CD59: variants seen among roughly 807,000 people sequenced by gnomAD.
CD59 encodes the protein CD59 molecule (CD59 blood group), also known as CD59 glycoprotein.
CD59 carries 3 observed loss-of-function variants against 7.0 expected under a neutral mutation model. The ratio of observed to expected loss-of-function variants is 0.43; its 90% CI spans 0.19 to 1.10. The LOEUF is 1.10. CD59 is among the 50% of genes least tolerant of loss of function. The pLI, the probability that CD59 is intolerant of heterozygous loss-of-function variation, is 0.29. For synonymous variants in CD59, 60 were observed against 62.0 expected (o/e 0.97, Z 0.15); for missense variants, 143 against 151.0 (o/e 0.95, Z 0.28).
At chr11:33,710,753 C>T (rs1853514117) in intron 3 of CD59, among the ~76,000 whole-genome samples, 2 of 149,858 alleles carry the variant, frequency 1.3e-5, no homozygotes, top group African/African-American at 4.9e-5. Context: ...TAAGGTCTCA[C>T]TTTCTTGCCC....
intron 1 of CD59, among the ~76,000 whole-genome samples, chr11:33,723,891 T>C (rs1032455629): frequency 6.6e-6 from 1 of 151,996 alleles, no homozygotes; most frequent in South Asian, 2.1e-4. Flanking sequence ...AAGTTAAGCA[T>C]AGCATGATCG....
intron 1 of CD59, among the ~76,000 whole-genome samples, chr11:33,723,962 A>G (rs1177836099): frequency 6.6e-6 from 1 of 152,260 alleles, no homozygotes; most frequent in East Asian, 1.9e-4. Flanking sequence ...AAAAAAAATT[A>G]GACTGGTGTG....
At position 33,707,613 on chromosome 11, in the gene CD59, G is replaced by A. The variant is rs755371054; in HGVS notation, c.*2513C>T. ...TGGAGGGCACAGGGTATTGGCTCTC[G>A]AGCAGAGAGCCAGTAGGCATGACTG... On this transcript the variant is annotated 3_prime_UTR_variant, in exon 4 of 4. Coordinates refer to ENST00000642928, the MANE Select transcript of CD59 (RefSeq NM_000611.6). 2.0e-5 allele frequency: 3 copies of A among 152,202 alleles called. No individual in the cohort carries two copies. Among genetic ancestry groups the A allele is most frequent in the Non-Finnish European group, 4.4e-5 (3 of 68,052 alleles). The allele number at this position is 152,202 out of a possible 1,614,324, so 9.4% of individuals were successfully genotyped here. A position where few individuals can be genotyped will look rare whatever the true frequency, so the allele number is the denominator to read the frequency against.
intron 1 of CD59, among the ~76,000 whole-genome samples, chr11:33,729,064 G>A (rs1773712644): frequency 6.6e-6 from 1 of 152,196 alleles, no homozygotes; most frequent in African/African-American, 2.4e-5. Flanking sequence ...TTACACTGTT[G>A]GTGGGAGTGT....
chr11:33,732,018 T>C (rs1412723793), intron 1 of CD59, among the ~76,000 whole-genome samples: 1 of 152,260 alleles, frequency 6.6e-6, no homozygotes, highest in East Asian at 1.9e-4. Flanking sequence ...CTGATGGTTT[T>C]ATAAGGGGTT....
chr11:33,714,003 C>G (rs1853675978), intron 3 of CD59, among the ~76,000 whole-genome samples: 1 of 152,222 alleles, frequency 6.6e-6, no homozygotes, highest in Non-Finnish European at 1.5e-5. Context: ...AACGTCATTA[C>G]AGCAGTGACC....
intron 3 of CD59, among the ~76,000 whole-genome samples, chr11:33,712,833 C>T (rs1472182184): frequency 6.6e-6 from 1 of 152,006 alleles, no homozygotes; most frequent in African/African-American, 2.4e-5. Context: ...AGAATGTGAC[C>T]CATTTGTGGA....
chr11:33,711,273 C>G (rs2133526795), intron 3 of CD59: 1 of 612,534 alleles, frequency 1.6e-6, no homozygotes, highest in African/African-American at 1.9e-5. Context: ...TTCAGACCAG[C>G]CTGGTCAACA....
intron 3 of CD59, among the ~76,000 whole-genome samples, chr11:33,716,108 G>A (rs1461197294): frequency 6.6e-6 from 1 of 152,164 alleles, no homozygotes; most frequent in Non-Finnish European, 1.5e-5. Flanking sequence ...TTCCAGTGGG[G>A]GCAGAGGGAC....
intron 1 of CD59, chr11:33,722,683 T>G: frequency 7.4e-7 from 1 of 1,353,124 alleles, no homozygotes; most frequent in Non-Finnish European, 9.6e-7. Flanking sequence ...ACTACCACAC[T>G]GTGGGAATAA....
chr11:33,733,129 C>T (rs1488580324), intron 1 of CD59, among the ~76,000 whole-genome samples: 1 of 152,184 alleles, frequency 6.6e-6, no homozygotes, highest in Non-Finnish European at 1.5e-5. Flanking sequence ...GTCACAAGGA[C>T]TATATTCTAC....
In CD59 at chr11:33,710,024, A is replaced by C; in HGVS notation, c.*102T>G. ...CTCAAGCTAATTTTATTCTTTCCCA[A>C]CAGGATCCATTTGGAAAATATCAAG... On this transcript the variant is annotated 3_prime_UTR_variant, in exon 4 of 4. Coordinates refer to ENST00000642928, the MANE Select transcript of CD59 (RefSeq NM_000611.6). 1 of 965,750 alleles carries C rather than the reference A, an allele frequency of 1.0e-6. No homozygotes were observed. Among genetic ancestry groups the C allele is most frequent in the South Asian group, 1.4e-5 (1 of 72,252 alleles). The allele number at this position is 965,750 out of a possible 1,614,324, so 59.8% of individuals were successfully genotyped here.
intron 3 of CD59, among the ~76,000 whole-genome samples, chr11:33,714,037 CCTT>C (rs1346857610): frequency 1.3e-5 from 2 of 152,248 alleles, no homozygotes; most frequent in Non-Finnish European, 2.9e-5. Flanking sequence ...ATCAGAGGCT[CCTT>C]CAAGACTAAG....
At chr11:33,717,520 C>G (rs1178844541) in intron 2 of CD59, 49 bp from the exon 3 acceptor site, 1 of 1,160,064 alleles carries the variant, frequency 8.6e-7, no homozygotes, top group Non-Finnish European at 1.3e-6. Context: ...ACTGACTTGT[C>G]CCCTGGCAGC....
intron 1 of CD59, among the ~76,000 whole-genome samples, chr11:33,732,635 C>G (rs1274873062): frequency 6.6e-6 from 1 of 152,190 alleles, no homozygotes; most frequent in East Asian, 1.9e-4. Context: ...GGGCCAGTTG[C>G]TAAGATAGAT....
intron 3 of CD59, among the ~76,000 whole-genome samples, chr11:33,712,998 A>G (rs922317379): frequency 6.6e-6 from 1 of 152,210 alleles, no homozygotes; most frequent in African/African-American, 2.4e-5. Context: ...TTTTTAAAAT[A>G]TTTGAAACTT....
In CD59 at chr11:33,722,926, C is replaced by T. The variant is rs921592892; in HGVS notation, c.-18-463G>A. 1.1e-5 allele frequency: 12 copies of T among 1,083,372 alleles called. No homozygotes were observed. In the African/African-American group the frequency reaches 1.8e-4, roughly 16 times the overall value. 67.1% of individuals were successfully genotyped at this position (1,083,372 alleles called of 1,614,324 possible). ...CAATGGCTTAGCATACCTGGAAGCTCTGGCTCCTCACTGTAAGAAGTATAA... is the reference window on the plus strand; with the variant it reads ...CAATGGCTTAGCATACCTGGAAGCTTTGGCTCCTCACTGTAAGAAGTATAA... On this transcript the variant is annotated intron_variant, in intron 1 of 3. Coordinates refer to ENST00000642928, the MANE Select transcript of CD59 (RefSeq NM_000611.6).
At chr11:33,722,192 C>T (rs142409398) in intron 2 of CD59, among the ~76,000 whole-genome samples, 187 bp downstream of exon 2, 6 of 152,272 alleles carry the variant, frequency 3.9e-5, no homozygotes, top group South Asian at 2.1e-4. Context: ...TAACTCAGGA[C>T]GATGCCCCAC....
intron 1 of CD59, among the ~76,000 whole-genome samples, chr11:33,731,053 T>C (rs1177516011): frequency 6.6e-6 from 1 of 152,206 alleles, no homozygotes; most frequent in Non-Finnish European, 1.5e-5. Context: ...AAGAATACAG[T>C]AGGCAATACA....
Sources: gnomAD v4.1 joint callset for allele counts (sites outside exome capture counted in the v4.1 genomes callset) on GRCh38, gnomAD v4.1.1 for gene constraint, MANE v1.5 for transcripts, NCBI Gene and HGNC (gene_info 2026-07-23, HGNC 2026-07-21) for gene names.